Variants in SLIT1 observed in about 807,000 individuals in gnomAD.
SLIT1 encodes slit guidance ligand 1.
In SLIT1, 66 loss-of-function variants were observed where a neutral mutation model predicts 186.1. That is an observed-to-expected ratio of 0.35 (90% CI 0.29 to 0.44). The LOEUF (loss-of-function observed/expected upper bound fraction) is 0.44. SLIT1 is among the 20% of genes least tolerant of loss of function. SLIT1 has a pLI of 1.00. For synonymous variants in SLIT1, 761 were observed against 833.8 expected, an observed-to-expected ratio of 0.91 and a Z score of 1.50; for missense variants, 1,638 against 2,037.4, an observed-to-expected ratio of 0.80 and a Z score of 3.77.
intron 4 of SLIT1, among the ~76,000 whole-genome samples, chr10:97,141,654 A>G (rs1035008391): frequency 6.1e-5 from 9 of 147,410 alleles, no homozygotes; most frequent in Non-Finnish European, 1.3e-4. Context: ...ATTGCATTGT[A>G]TTGTATTGCA....
intron 23 of SLIT1, 65 bp downstream of exon 23, chr10:97,034,405 TG>T (rs1848619965): frequency 8.6e-7 from 1 of 1,166,184 alleles, no homozygotes; most frequent in Non-Finnish European, 1.3e-6. Context: ...AAGCACAGGC[TG>T]GGGCTAGGGA....
At chr10:97,051,593 C>A (rs760507613) in intron 13 of SLIT1, among the ~76,000 whole-genome samples, 3 of 152,086 alleles carry the variant, frequency 2.0e-5, no homozygotes, top group Non-Finnish European at 4.4e-5. Context: ...GGGTGGATCA[C>A]GAGGTCAGGA....
At chr10:97,048,856 T>TGGACAGGC (rs763764185) in intron 14 of SLIT1, 99 bp downstream of exon 14, 6 of 1,256,416 alleles carry the variant, frequency 4.8e-6, no homozygotes, top group Non-Finnish European at 6.8e-6. Flanking sequence ...GGCGGGTAGG[T>TGGACAGGC]GGGCAGGTGG....
chr10:97,080,722 T>G (rs1849095523), intron 4 of SLIT1, among the ~76,000 whole-genome samples: 1 of 152,246 alleles, frequency 6.6e-6, no homozygotes, highest in Admixed American at 6.5e-5. Context: ...ACCAGTCAAC[T>G]CACACCAAAT....
chr10:97,094,513 T>C (rs1215371381), intron 4 of SLIT1, among the ~76,000 whole-genome samples: 1 of 152,196 alleles, frequency 6.6e-6, no homozygotes, highest in Non-Finnish European at 1.5e-5. Flanking sequence ...GCCTTATTGA[T>C]GATTATGTGA....
chr10:97,018,064 G>T (rs1365987635), intron 28 of SLIT1, among the ~76,000 whole-genome samples: 1 of 152,072 alleles, frequency 6.6e-6, no homozygotes, highest in Non-Finnish European at 1.5e-5. Context: ...GGCCAGGCTG[G>T]TCTCAAACTC....
At chr10:97,035,267 G>A (rs180806595) in intron 22 of SLIT1, among the ~76,000 whole-genome samples, 6 of 152,246 alleles carry the variant, frequency 3.9e-5, no homozygotes, top group African/African-American at 1.4e-4. Flanking sequence ...GCCCATCTGT[G>A]CCCTGTTTAG....
At chr10:97,095,780 C>T (rs1849282141) in intron 4 of SLIT1, among the ~76,000 whole-genome samples, 1 of 152,110 alleles carries the variant, frequency 6.6e-6, no homozygotes, top group Admixed American at 6.6e-5. Flanking sequence ...AGGTGTGTGA[C>T]CTTGGGTGCG....
chr10:97,096,392 C>T (rs556316018), intron 4 of SLIT1, among the ~76,000 whole-genome samples: 64 of 152,148 alleles, frequency 4.2e-4, no homozygotes, highest in African/African-American at 1.5e-3. Flanking sequence ...CCCCCGCCAG[C>T]GCCCTGTTCC....
At chr10:97,083,210 C>T (rs1042467320) in intron 4 of SLIT1, among the ~76,000 whole-genome samples, 13 of 152,204 alleles carry the variant, frequency 8.5e-5, no homozygotes, top group Admixed American at 5.2e-4. Flanking sequence ...GCTGGGATTA[C>T]AGGCATGAGA....
chr10:97,062,047 C>T lies in SLIT1; in HGVS notation c.794-1260G>A, dbSNP rs925604810. Among the ~76,000 whole-genome samples the T allele has an allele frequency of 3.9e-5, 6 of 152,218 alleles. No individual in the cohort carries two copies. The South Asian group carries it at 8.3e-4, about 21-fold the overall frequency. ...AACTCATGTCTGAAAATAGAAACCA[C>T]GGTCTTCCAAATGCAAAGGAAAAGG... On this transcript the variant is annotated intron_variant, in intron 8 of 36. Transcript: ENST00000266058.
chr10:97,056,296 A>T (rs1180780834), intron 13 of SLIT1, 25 bp downstream of exon 13: 1 of 1,608,686 alleles, frequency 6.2e-7, no homozygotes, highest in African/African-American at 1.3e-5. Context: ...GGGAGGGGAG[A>T]AGAAGAAGGC....
chr10:97,146,208 G>A (rs1219328103), intron 4 of SLIT1, among the ~76,000 whole-genome samples: 2 of 152,196 alleles, frequency 1.3e-5, no homozygotes, highest in African/African-American at 4.8e-5. Flanking sequence ...CAAAGAGCTT[G>A]AGGAACCCCA....
intron 4 of SLIT1, among the ~76,000 whole-genome samples, chr10:97,128,579 C>T (rs1849624959): frequency 6.6e-6 from 1 of 152,200 alleles, no homozygotes; most frequent in African/African-American, 2.4e-5. Context: ...ATGCCCACAA[C>T]CTGCATTGTG....
At chr10:97,174,703 T>C (rs1196904583) in intron 1 of SLIT1, among the ~76,000 whole-genome samples, 1 of 152,160 alleles carries the variant, frequency 6.6e-6, no homozygotes, top group Non-Finnish European at 1.5e-5. Context: ...AGCCTCGCAG[T>C]AGTACCTGGC....
intron 4 of SLIT1, among the ~76,000 whole-genome samples, chr10:97,069,060 C>A (rs115014350): frequency 6.6e-6 from 1 of 152,202 alleles, no homozygotes; most frequent in African/African-American, 2.4e-5. Context: ...TGATGGTTCT[C>A]CTGGTCTGTG....
At position 97,006,464 on chromosome 10, in the gene SLIT1, C is replaced by T. The variant is rs11188984; in HGVS notation, c.3579+19G>A. 0.013 allele frequency: 21,456 copies of T among 1,591,348 alleles called. 704 individuals carry two copies. Among genetic ancestry groups the T allele is most frequent in the East Asian group, 0.1 (4,637 of 44,722 alleles). On this transcript the variant is annotated intron_variant, in intron 32 of 36. Coordinates refer to ENST00000266058, the MANE Select transcript of SLIT1 (RefSeq NM_003061.3). This position sits in a 1 kb window ranked among gnomAD's most constrained non-coding sequence, Gnocchi z 4.0. ...CTGCTCCCTGACTCCCCTCTGTGAC[C>T]AAGCCCCCTGGCACGCACCTGCAAC...
intron 4 of SLIT1, among the ~76,000 whole-genome samples, chr10:97,091,021 T>C (rs915093856): frequency 1.3e-5 from 2 of 152,254 alleles, no homozygotes; most frequent in African/African-American, 2.4e-5. Flanking sequence ...AAAACTACTT[T>C]GTGATACACT....
chr10:97,076,703 C>T (rs1194073697), intron 4 of SLIT1, among the ~76,000 whole-genome samples: 3 of 152,244 alleles, frequency 2.0e-5, no homozygotes, highest in African/African-American at 7.2e-5. Flanking sequence ...GGCCTCAACC[C>T]AGAGGCCAGG....
Sources: gnomAD v4.1 joint callset for allele counts (sites outside exome capture counted in the v4.1 genomes callset) on GRCh38, gnomAD v4.1.1 for gene constraint, Gnocchi (gnomAD v3.1) non-coding constraint, MANE v1.5 for transcripts, NCBI Gene and HGNC (gene_info 2026-07-23, HGNC 2026-07-21) for gene names.